SEC14L1: variants seen among roughly 807,000 people sequenced by gnomAD.
SEC14L1 encodes SEC14-like protein 1.
Under a neutral mutation model 85.3 loss-of-function variants are expected in SEC14L1, and 48 were observed. That is an observed-to-expected ratio of 0.56 (90% confidence interval 0.45 to 0.72). SEC14L1 has a LOEUF of 0.72. Ranked by LOEUF, SEC14L1 falls within the 30% of genes least tolerant of loss-of-function variation. The probability of loss-of-function intolerance (pLI) is 0.00; values close to 1 mark genes in which losing one functional copy is unlikely to be tolerated. For missense variants in SEC14L1, 682 were observed against 921.4 expected (o/e 0.74, Z 3.36); for synonymous variants, 391 against 355.5 (o/e 1.10, Z -1.12).
At chr17:77,169,928 G>T (rs1011001508) in intron 3 of SEC14L1, among the ~76,000 whole-genome samples, 1 of 152,076 alleles carries the variant, frequency 6.6e-6, no homozygotes, top group African/African-American at 2.4e-5. Context: ...CTATTGAGGA[G>T]GTCCAGCCTT....
intron 3 of SEC14L1, among the ~76,000 whole-genome samples, chr17:77,158,363 C>G (rs993295514): frequency 2.0e-5 from 3 of 152,212 alleles, no homozygotes; most frequent in African/African-American, 7.2e-5. Flanking sequence ...ACCATTCTTT[C>G]TGTCCCTATA....
rs890975387 is a variant in SEC14L1 at position 77,214,853 on chromosome 17, C to G, written c.*830C>G. ...CTCCCAGCCCAGTGTAGGCCATCTC[C>G]TCTGTGCCCTCTGGTGGCTCATTGT... On this transcript the variant is annotated 3_prime_UTR_variant, in exon 17 of 17. Transcript: ENST00000436233. 2.0e-6 allele frequency: 2 copies of G among 985,396 alleles called. No individual in the cohort carries two copies. Among genetic ancestry groups the G allele is most frequent in the Non-Finnish European group, 2.4e-6 (2 of 829,978 alleles). 61.0% of individuals were successfully genotyped at this position (985,396 alleles called of 1,614,324 possible). A position where few individuals can be genotyped will look rare whatever the true frequency, so the allele number is the denominator to read the frequency against.
intron 3 of SEC14L1, among the ~76,000 whole-genome samples, chr17:77,145,596 C>T (rs564285453): frequency 5.3e-5 from 8 of 152,282 alleles, no homozygotes; most frequent in East Asian, 1.9e-4. Flanking sequence ...ACCATGTTTG[C>T]CATTTGCATG....
chr17:77,215,746 G>A lies in SEC14L1; in HGVS notation c.*1723G>A, dbSNP rs1237638404. The A allele has an allele frequency of 1.0e-6, 1 of 987,206 alleles. No individual in the cohort carries two copies. The highest frequency in any genetic ancestry group is 4.5e-5 in the South Asian group (1 of 22,196). The allele number at this position is 987,206 out of a possible 1,614,324, so 61.2% of individuals were successfully genotyped here. ...TTCGTAGGTAGGGCTAGTAGGTAGG[G>A]TTAGTAGGTAGGGCTAGTAGGTAGG... On this transcript the variant is annotated 3_prime_UTR_variant, in exon 17 of 17. Transcript: ENST00000436233.
intron 3 of SEC14L1, among the ~76,000 whole-genome samples, chr17:77,106,349 T>A (rs571064801): frequency 2.5e-4 from 38 of 152,230 alleles, no homozygotes; most frequent in African/African-American, 9.1e-4. Flanking sequence ...CTGGCCAATA[T>A]GGTGAAACCC....
At chr17:77,174,417 G>T (rs966800292) in intron 3 of SEC14L1, among the ~76,000 whole-genome samples, 1 of 152,172 alleles carries the variant, frequency 6.6e-6, no homozygotes, top group African/African-American at 2.4e-5. Flanking sequence ...CGGAACCACA[G>T]ATCCGGACTC....
intron 3 of SEC14L1, among the ~76,000 whole-genome samples, chr17:77,147,752 C>T (rs964260697): frequency 2.6e-5 from 4 of 152,146 alleles, no homozygotes; most frequent in East Asian, 1.9e-4. Flanking sequence ...ACAAGGAAGG[C>T]GCACCAGGGA....
At chr17:77,136,696 G>C (rs951522588), upstream of SEC14L1, among the ~76,000 whole-genome samples, 1 of 152,130 alleles carries the variant, frequency 6.6e-6, no homozygotes, top group Admixed American at 6.6e-5. Flanking sequence ...AGGAAGCGTC[G>C]TTCGGGGAGC....
intron 2 of SEC14L1, among the ~76,000 whole-genome samples, chr17:77,090,255 A>C (rs1371805656): frequency 2.0e-5 from 3 of 150,854 alleles, no homozygotes; most frequent in Admixed American, 6.7e-5. Context: ...TCGCGCCACT[A>C]TACTGCAGCC....
At chr17:77,129,249 T>G (rs1460844724) in intron 3 of SEC14L1, among the ~76,000 whole-genome samples, 1 of 152,144 alleles carries the variant, frequency 6.6e-6, no homozygotes, top group Non-Finnish European at 1.5e-5. Flanking sequence ...AACAACCCAG[T>G]GAGATTTTCT....
chr17:77,096,820 G>T (rs898323075), intron 3 of SEC14L1, among the ~76,000 whole-genome samples: 3 of 152,066 alleles, frequency 2.0e-5, no homozygotes, highest in South Asian at 2.1e-4. Context: ...GGATTTTGGG[G>T]TTTTTTTGTT....
At chr17:77,189,064 G>A (rs182226672) in intron 3 of SEC14L1, among the ~76,000 whole-genome samples, 3 of 151,460 alleles carry the variant, frequency 2.0e-5, no homozygotes, top group Admixed American at 2.0e-4. Flanking sequence ...TTTCAATTGT[G>A]TGTCAAAAGA....
Position 77,196,077 on chromosome 17 carries a change from C to T in SEC14L1, c.710-125C>T, listed in dbSNP as rs1975793814. 5 of 670,356 alleles carry T rather than the reference C, an allele frequency of 7.5e-6. No individual in the cohort carries two copies. In the South Asian group the frequency reaches 9.0e-5, roughly 12 times the overall value. The allele number at this position is 670,356 out of a possible 1,614,324, so 41.5% of individuals were successfully genotyped here. On this transcript the variant is annotated intron_variant, in intron 7 of 16. Coordinates refer to ENST00000436233, the MANE Select transcript of SEC14L1 (RefSeq NM_001143998.2). Reference sequence around the variant, plus strand: ...TCTAAGGAATCTGGTTTACATCTGCCATCTCTGCGGTTTCATGTGCCTCTA... The same window carrying T: ...TCTAAGGAATCTGGTTTACATCTGCTATCTCTGCGGTTTCATGTGCCTCTA...
chr17:77,150,807 C>T (rs1311225625), intron 3 of SEC14L1, among the ~76,000 whole-genome samples: 2 of 152,196 alleles, frequency 1.3e-5, no homozygotes, highest in Admixed American at 1.3e-4. Context: ...ATCCGCCCAC[C>T]CGTACCTTGC....
At chr17:77,195,676 C>T (rs898801343) in intron 7 of SEC14L1, among the ~76,000 whole-genome samples, 13 of 151,916 alleles carry the variant, frequency 8.6e-5, no homozygotes, top group South Asian at 2.1e-4. Flanking sequence ...CTAGTAGAGA[C>T]GGGGTTTCAC....
At chr17:77,196,430 C>A in intron 8 of SEC14L1, 119 bp downstream of exon 8, 1 of 644,092 alleles carries the variant, frequency 1.6e-6, no homozygotes, top group South Asian at 2.0e-5. Context: ...AATGTTTCTT[C>A]CAGTTTAGAA....
intron 3 of SEC14L1, among the ~76,000 whole-genome samples, chr17:77,128,329 G>C (rs930106221): frequency 6.6e-6 from 1 of 152,116 alleles, no homozygotes; most frequent in Non-Finnish European, 1.5e-5. Flanking sequence ...AGGGGTGGGC[G>C]GGGGTGCAGA....
chr17:77,113,676 G>A (rs970685347), intron 3 of SEC14L1, among the ~76,000 whole-genome samples: 2 of 152,208 alleles, frequency 1.3e-5, no homozygotes, highest in African/African-American at 4.8e-5. Context: ...AACCCAGGAA[G>A]CAGAGGTTGC....
chr17:77,132,290 C>A (rs915744532), intron 3 of SEC14L1, among the ~76,000 whole-genome samples: 12 of 149,880 alleles, frequency 8.0e-5, no homozygotes, highest in African/African-American at 3.0e-4. Flanking sequence ...TGCAGTGGCA[C>A]GATCTCACTG....
Sources: allele counts gnomAD v4.1 joint callset (sites outside exome capture counted in the v4.1 genomes callset), GRCh38; gene constraint gnomAD v4.1.1; transcripts MANE v1.5; gene names NCBI Gene and HGNC (gene_info 2026-07-23, HGNC 2026-07-21).